The following SYT9 variants were observed in gnomAD, a reference collection of about 807,000 sequenced individuals.
SYT9 encodes the protein synaptotagmin 9.
SYT9 carries 22 observed loss-of-function variants against 48.4 expected under a neutral mutation model. The ratio of observed to expected loss-of-function variants is 0.45; its 90% CI spans 0.32 to 0.65. The LOEUF (loss-of-function observed/expected upper bound fraction) is 0.65. Among genes scored for constraint, SYT9 ranks in the 30% least tolerant of loss-of-function variants. The pLI is 0.03. For synonymous variants in SYT9, 265 were observed against 245.0 expected (o/e 1.08, Z -0.76); for missense variants, 577 against 622.0 (o/e 0.93, Z 0.77).
At chr11:7,262,098 A>G (rs1225533264) in intron 1 of SYT9, among the ~76,000 whole-genome samples, 1 of 152,144 alleles carries the variant, frequency 6.6e-6, no homozygotes, top group East Asian at 1.9e-4. Flanking sequence ...GACCAGAGTG[A>G]TAGCAGTGGA....
chr11:7,288,013 A>G (rs896161798), intron 1 of SYT9, among the ~76,000 whole-genome samples: 1 of 152,150 alleles, frequency 6.6e-6, no homozygotes, highest in Non-Finnish European at 1.5e-5. Context: ...TTCCCAGTAG[A>G]GAGAAGCATC....
intron 3 of SYT9, among the ~76,000 whole-genome samples, chr11:7,324,360 C>G (rs553257185): frequency 3.3e-5 from 5 of 151,862 alleles, no homozygotes; most frequent in African/African-American, 9.6e-5. Flanking sequence ...TTCAAATAAC[C>G]AACTTTTAAT....
At chr11:7,416,429 C>T (rs986767685) in intron 4 of SYT9, among the ~76,000 whole-genome samples, 1 of 152,124 alleles carries the variant, frequency 6.6e-6, no homozygotes, top group Non-Finnish European at 1.5e-5. Flanking sequence ...GAGAACAGTG[C>T]TAGCATATAT....
At chr11:7,372,294 A>G (rs1589979580) in intron 3 of SYT9, among the ~76,000 whole-genome samples, 1 of 151,728 alleles carries the variant, frequency 6.6e-6, no homozygotes, top group Non-Finnish European at 1.5e-5. Context: ...TTTTTTGCTC[A>G]TTTCTTTTCT....
At chr11:7,265,316 T>G (rs1437770278) in intron 1 of SYT9, among the ~76,000 whole-genome samples, 1 of 152,118 alleles carries the variant, frequency 6.6e-6, no homozygotes, top group Non-Finnish European at 1.5e-5. Context: ...GGGAAGAAGT[T>G]ACTGGAAATA....
chr11:7,273,171 G>A (rs1848326462), intron 1 of SYT9, among the ~76,000 whole-genome samples: 1 of 152,080 alleles, frequency 6.6e-6, no homozygotes, highest in Non-Finnish European at 1.5e-5. Flanking sequence ...CAGGTAGAGG[G>A]AATGAGAAAG....
intron 3 of SYT9, among the ~76,000 whole-genome samples, chr11:7,372,028 A>G (rs1850370514): frequency 6.6e-6 from 1 of 152,180 alleles, no homozygotes; most frequent in African/African-American, 2.4e-5. Flanking sequence ...GTAAATACCT[A>G]GGAGTAGAAT....
chr11:7,331,672 C>A (rs1402010117), intron 3 of SYT9, among the ~76,000 whole-genome samples: 2 of 152,100 alleles, frequency 1.3e-5, no homozygotes, highest in African/African-American at 4.8e-5. Flanking sequence ...CTGCAATGAA[C>A]CATGATTGTG....
intron 5 of SYT9, 46 bp from the exon 6 acceptor site, chr11:7,420,460 A>C (rs768165654): frequency 2.2e-5 from 36 of 1,608,934 alleles, no homozygotes; most frequent in Non-Finnish European, 2.7e-5. Context: ...TATTGATCTT[A>C]CATACCAAAA....
intron 1 of SYT9, among the ~76,000 whole-genome samples, chr11:7,255,077 T>G (rs1353245300): frequency 6.6e-6 from 1 of 152,176 alleles, no homozygotes; most frequent in Non-Finnish European, 1.5e-5. Flanking sequence ...TGTACCAACT[T>G]GTGGAAAGGA....
chr11:7,294,244 G>C (rs1266355855), intron 1 of SYT9, among the ~76,000 whole-genome samples: 1 of 152,030 alleles, frequency 6.6e-6, no homozygotes, highest in African/African-American at 2.4e-5. Context: ...ATATGAATTT[G>C]GGGGGGACAC....
chr11:7,385,368 G>GCA (rs1468680408), intron 3 of SYT9, among the ~76,000 whole-genome samples: 5 of 147,174 alleles, frequency 3.4e-5, no homozygotes, highest in South Asian at 2.2e-4. Context: ...GTGTGTGTGT[G>GCA]TGCGTGTGTG....
At chr11:7,436,523 T>C (rs570811032) in intron 6 of SYT9, among the ~76,000 whole-genome samples, 3 of 152,254 alleles carry the variant, frequency 2.0e-5, no homozygotes, top group African/African-American at 7.2e-5. Context: ...GCTGTTTATA[T>C]GCATGTATAT....
At chr11:7,415,743 T>C (rs1489015894) in intron 3 of SYT9, among the ~76,000 whole-genome samples, 1 of 152,176 alleles carries the variant, frequency 6.6e-6, no homozygotes, top group Non-Finnish European at 1.5e-5. Context: ...TGTTCTGGGC[T>C]ACCTGGACAC....
At chr11:7,445,518 C>T (rs1471813266) in intron 6 of SYT9, among the ~76,000 whole-genome samples, 1 of 152,172 alleles carries the variant, frequency 6.6e-6, no homozygotes, top group Non-Finnish European at 1.5e-5. Context: ...GCCTGGTGCT[C>T]CTCCAAAAAC....
In SYT9 at chr11:7,268,729, A is replaced by G. The variant is rs144877935; in HGVS notation, c.145+16398A>G. ...AGTCATTCTCTGGTTTTAAAAATAT[A>G]ACTTTATCGAGACGTGTTTTACATA... On this transcript the variant is annotated intron_variant, in intron 1 of 6. Coordinates refer to ENST00000318881, the MANE Select transcript of SYT9 (RefSeq NM_175733.4). 2.8e-3 allele frequency among the ~76,000 whole-genome samples: 425 copies of G among 152,186 alleles called. 3 individuals carry two copies. In the Middle Eastern group the frequency reaches 0.061, roughly 22 times the overall value.
intron 3 of SYT9, among the ~76,000 whole-genome samples, chr11:7,357,064 G>T (rs984998097): frequency 7.9e-5 from 12 of 152,168 alleles, no homozygotes; most frequent in African/African-American, 2.4e-4. Flanking sequence ...CAAAGAACTA[G>T]CATTTATGGT....
chr11:7,468,023 T>C lies in SYT9; in HGVS notation c.*1223T>C. ...CTCCACGTAAATGAAACCAAAGGCC[T>C]CAGCATATCCTGGGAGGACTGGGGG... On this transcript the variant is annotated 3_prime_UTR_variant, in exon 7 of 7. Transcript: ENST00000318881. The C allele has an allele frequency of 5.5e-6, 2 of 364,886 alleles. No homozygotes were observed. The allele number at this position is 364,886 out of a possible 1,614,324, so 22.6% of individuals were successfully genotyped here.
At chr11:7,423,246 G>C (rs1564898653) in intron 6 of SYT9, among the ~76,000 whole-genome samples, 1 of 152,178 alleles carries the variant, frequency 6.6e-6, no homozygotes. Context: ...TCCATCCTGA[G>C]AGAGGAAGTG....
Sources: gnomAD v4.1 joint callset for allele counts (sites outside exome capture counted in the v4.1 genomes callset) on GRCh38, gnomAD v4.1.1 for gene constraint, MANE v1.5 for transcripts, NCBI Gene and HGNC (gene_info 2026-07-23, HGNC 2026-07-21) for gene names.